The following TXLNB variants were observed in gnomAD, a reference collection of about 807,000 sequenced individuals.
TXLNB encodes the protein taxilin beta, also known as beta-taxilin.
TXLNB carries 37 observed loss-of-function variants against 57.4 expected under a neutral mutation model. That is an observed-to-expected ratio of 0.64 (90% CI 0.50 to 0.85). TXLNB has a LOEUF of 0.85. Ranked by LOEUF, TXLNB falls within the 40% of genes least tolerant of loss-of-function variation. The pLI is 0.00. For synonymous variants in TXLNB, 302 were observed against 309.6 expected (o/e 0.98, Z 0.26); for missense variants, 848 against 825.6 (o/e 1.03, Z -0.33).
At chr6:139,217,362 A>C in the TXLNB span, among the ~76,000 whole-genome samples, 1 of 152,220 alleles carries the variant, frequency 6.6e-6, no homozygotes, top group Non-Finnish European at 1.5e-5. Context: ...TTTGCACAGA[A>C]GCTTGCAAAA....
chr6:139,292,026 A>G, upstream of TXLNB: 1 of 152,844 alleles, frequency 6.5e-6, no homozygotes. The surrounding 1 kb of genome is among the most constrained non-coding windows in gnomAD (Gnocchi z 4.0). Flanking sequence ...CTGTGTTCTT[A>G]CAAGGGAGAG....
the TXLNB span, among the ~76,000 whole-genome samples, chr6:139,223,071 A>C: frequency 6.6e-6 from 1 of 152,254 alleles, no homozygotes; most frequent in Admixed American, 6.5e-5. Context: ...GACTGTATGC[A>C]AAACTATGTA....
chr6:139,260,763 A>C (rs2114512056), intron 5 of TXLNB, among the ~76,000 whole-genome samples: 1 of 152,380 alleles, frequency 6.6e-6, no homozygotes, highest in East Asian at 1.9e-4. Flanking sequence ...TAGACAGCAC[A>C]GACAATGATG....
At chr6:139,207,078 A>C in the TXLNB span, among the ~76,000 whole-genome samples, 2 of 152,208 alleles carry the variant, frequency 1.3e-5, no homozygotes, top group African/African-American at 2.4e-5. Flanking sequence ...GATCATCAAG[A>C]CAGAAAGTCA....
At chr6:139,220,891 T>C in the TXLNB span, among the ~76,000 whole-genome samples, 2 of 152,160 alleles carry the variant, frequency 1.3e-5, no homozygotes, top group African/African-American at 2.4e-5. Flanking sequence ...GGAAATACGA[T>C]GCATCTTCAG....
chr6:139,267,270 T>C (rs1463580551), intron 4 of TXLNB, among the ~76,000 whole-genome samples: 1 of 152,164 alleles, frequency 6.6e-6, no homozygotes, highest in Non-Finnish European at 1.5e-5. Flanking sequence ...TATTATTGTT[T>C]AAAGTAAAAA....
At chr6:139,259,830 G>A (rs1395947256) in intron 6 of TXLNB, among the ~76,000 whole-genome samples, 1 of 152,186 alleles carries the variant, frequency 6.6e-6, no homozygotes, top group African/African-American at 2.4e-5. Context: ...TATGTAGAAA[G>A]TAGTGTAGAC....
the TXLNB span, among the ~76,000 whole-genome samples, chr6:139,184,964 T>C: frequency 1.3e-5 from 2 of 152,188 alleles, no homozygotes; most frequent in African/African-American, 2.4e-5. Flanking sequence ...TGCCAAACCA[T>C]TGGTTGAATA....
chr6:139,241,536 C>T lies in TXLNB; in HGVS notation c.*990G>A, dbSNP rs973178764. 16 of 152,340 alleles carry T rather than the reference C, an allele frequency of 1.1e-4. No individual in the cohort carries two copies. Among genetic ancestry groups the T allele is most frequent in the Middle Eastern group, 3.4e-3 (1 of 292 alleles). 9.4% of individuals were successfully genotyped at this position (152,340 alleles called of 1,614,324 possible). ...TCCCTTAACCCCTCAATCCCTAGCT[C>T]CCCTTTCCCACTTCCAACCGTTTCC... On this transcript the variant is annotated 3_prime_UTR_variant, in exon 10 of 10. Transcript: ENST00000358430.
the TXLNB span, among the ~76,000 whole-genome samples, chr6:139,164,287 G>A: frequency 6.6e-6 from 1 of 151,966 alleles, no homozygotes; most frequent in Non-Finnish European, 1.5e-5. Context: ...AATCTAAACT[G>A]CTTCATGACC....
chr6:139,225,468 C>T, the TXLNB span, among the ~76,000 whole-genome samples: 1 of 152,092 alleles, frequency 6.6e-6, no homozygotes, highest in South Asian at 2.1e-4. Flanking sequence ...ACTAGTGGAT[C>T]TGATGAAGTT....
chr6:139,201,532 C>G, the TXLNB span: 1 of 152,116 alleles, frequency 6.6e-6, no homozygotes, highest in Non-Finnish European at 1.5e-5. Flanking sequence ...ATTGACTGCT[C>G]CAACATGCCT....
the TXLNB span, chr6:139,166,418 GA>G: frequency 6.2e-7 from 1 of 1,614,224 alleles, no homozygotes; most frequent in South Asian, 1.1e-5. Flanking sequence ...GTGCTTCTAC[GA>G]GTGGGAGAGC....
At chr6:139,260,553 A>C (rs1562278138) in intron 5 of TXLNB, 116 bp from the exon 6 acceptor site, 4 of 1,138,372 alleles carry the variant, frequency 3.5e-6, no homozygotes, top group Non-Finnish European at 4.9e-6. Flanking sequence ...AAAAGAAGAG[A>C]GGGATAAATG....
the TXLNB span, chr6:139,166,920 A>G: frequency 6.2e-7 from 1 of 1,614,096 alleles, no homozygotes; most frequent in Non-Finnish European, 8.5e-7. Flanking sequence ...AACGCCATCC[A>G]TCTGGAGCCT....
chr6:139,214,465 G>C, the TXLNB span, among the ~76,000 whole-genome samples: 2 of 152,164 alleles, frequency 1.3e-5, no homozygotes, highest in Non-Finnish European at 2.9e-5. Flanking sequence ...ATTAGGTATT[G>C]ATGGAACATA....
chr6:139,317,499 A>G, the TXLNB span, among the ~76,000 whole-genome samples: 2 of 151,856 alleles, frequency 1.3e-5, no homozygotes, highest in African/African-American at 4.8e-5. Flanking sequence ...TCCCAGGTTC[A>G]TGCCATTCTC....
intron 6 of TXLNB, among the ~76,000 whole-genome samples, chr6:139,256,520 G>A (rs372828827): frequency 1.3e-5 from 2 of 152,192 alleles, no homozygotes; most frequent in South Asian, 4.1e-4. Context: ...ACTAGAGACG[G>A]GGTTTTGCCA....
the TXLNB span, among the ~76,000 whole-genome samples, chr6:139,302,714 G>A: frequency 6.6e-6 from 1 of 151,840 alleles, no homozygotes; most frequent in South Asian, 2.1e-4. Flanking sequence ...ACCCGGGAAG[G>A]AGGAGGTTGC....
Sources: allele counts gnomAD v4.1 joint callset (sites outside exome capture counted in the v4.1 genomes callset), GRCh38; gene constraint gnomAD v4.1.1; non-coding constraint Gnocchi (gnomAD v3.1); transcripts MANE v1.5; gene names NCBI Gene and HGNC (gene_info 2026-07-23, HGNC 2026-07-21).